MED13: variants seen among roughly 807,000 people sequenced by gnomAD.
MED13 encodes the protein mediator of RNA polymerase II transcription subunit 13.
MED13 carries 23 observed loss-of-function variants against 225.2 expected under a neutral mutation model. The ratio of observed to expected loss-of-function variants is 0.10; its 90% CI spans 0.07 to 0.14. MED13 has a LOEUF of 0.14. MED13 is among the 10% of genes least tolerant of loss of function. The pLI, the probability that MED13 is intolerant of heterozygous loss-of-function variation, is 1.00. For synonymous variants in MED13, 942 were observed against 889.2 expected (o/e 1.06, Z -1.06); for missense variants, 2,197 against 2,594.5 (o/e 0.85, Z 3.33).
intron 17 of MED13, among the ~76,000 whole-genome samples, chr17:61,971,454 A>T (rs2080108428): frequency 6.6e-6 from 1 of 151,624 alleles, no homozygotes; most frequent in Admixed American, 6.6e-5. Context: ...ACGCACCACC[A>T]TGCCCGGCTT....
At chr17:62,015,163 A>G (rs180776275) in intron 8 of MED13, among the ~76,000 whole-genome samples, 2 of 152,356 alleles carry the variant, frequency 1.3e-5, no homozygotes, top group Admixed American at 6.5e-5. Flanking sequence ...ACTATCTACA[A>G]AAAGACATTT....
Position 62,058,539 on chromosome 17 carries a change from A to AGAAAG in MED13, c.301+4527_301+4528insCTTTC, listed in dbSNP as rs200021751. Reference sequence around the variant, plus strand: ...TCATCTCAAAAAAAAAAAAAAAAAAAAAAGAAAGAAAGAAAGAAAAAAGCT... The same window carrying AGAAAG: ...TCATCTCAAAAAAAAAAAAAAAAAAAGAAAGAAAGAAAGAAAGAAAGAAAAAAGCT... On this transcript the variant is annotated intron_variant, in intron 2 of 29. Coordinates refer to ENST00000397786, the MANE Select transcript of MED13 (RefSeq NM_005121.3). Among the ~76,000 whole-genome samples the AGAAAG allele has an allele frequency of 2.7e-5, 4 of 146,456 alleles. No individual in the cohort carries two copies. The East Asian group carries it at 8.6e-4, about 31-fold the overall frequency.
Position 61,995,371 on chromosome 17 carries a change from TA to T in MED13, c.1968-7del, listed in dbSNP as rs565574776. The T allele has an allele frequency of 5.2e-6, 8 of 1,553,078 alleles. No homozygotes were observed. The highest frequency in any genetic ancestry group is 6.9e-6 in the Non-Finnish European group (8 of 1,153,968). ...TCTTACATTGCACCATTAACCTGCA[TA>T]AAAAAATTAAAAAAAATTAATTATC... On this transcript the variant is annotated splice_polypyrimidine_tract_variant and splice_region_variant and intron_variant, in intron 9 of 29. Coordinates refer to ENST00000397786, the MANE Select transcript of MED13 (RefSeq NM_005121.3).
intron 3 of MED13, among the ~76,000 whole-genome samples, chr17:62,043,362 G>C (rs1310745696): frequency 6.6e-6 from 1 of 151,978 alleles, no homozygotes; most frequent in Non-Finnish European, 1.5e-5. Context: ...TAATAATCTT[G>C]ATGACAGACA....
intron 8 of MED13, 125 bp downstream of exon 8, chr17:62,029,416 A>T: frequency 3.1e-6 from 2 of 642,342 alleles, no homozygotes; most frequent in Non-Finnish European, 5.2e-6. Flanking sequence ...TTTTTCCTGA[A>T]TTTTCTTTTG....
At chr17:62,004,282 A>G (rs1462959125) in intron 9 of MED13, 2 of 152,234 alleles carry the variant, frequency 1.3e-5, no homozygotes, top group Non-Finnish European at 2.9e-5. Flanking sequence ...TTGCCCTCAT[A>G]GAGCTTACAT....
chr17:62,027,007 A>G (rs946118325), intron 8 of MED13, among the ~76,000 whole-genome samples: 2 of 152,216 alleles, frequency 1.3e-5, no homozygotes. Flanking sequence ...AAATGGCCAT[A>G]CTGCCCAAAG....
intron 17 of MED13, 67 bp from the exon 18 acceptor site, chr17:61,968,325 A>G: frequency 9.2e-7 from 1 of 1,090,728 alleles, no homozygotes; most frequent in Non-Finnish European, 1.2e-6. Flanking sequence ...TTATTTATTT[A>G]TTTATTTATT....
intron 12 of MED13, among the ~76,000 whole-genome samples, chr17:61,985,807 A>C (rs2080242767): frequency 6.6e-6 from 1 of 152,196 alleles, no homozygotes; most frequent in Non-Finnish European, 1.5e-5. Context: ...CTATATAATC[A>C]ATCACTCACC....
intron 9 of MED13, among the ~76,000 whole-genome samples, chr17:62,008,025 A>AAAAAAAAAAC (rs2080469189): frequency 6.7e-6 from 1 of 148,624 alleles, no homozygotes; most frequent in Non-Finnish European, 1.5e-5. Context: ...TCAAAAAAAA[A>AAAAAAAAAAC]AAAAAAAAAA....
At chr17:62,043,308 C>G (rs1056003797) in intron 3 of MED13, among the ~76,000 whole-genome samples, 1 of 151,708 alleles carries the variant, frequency 6.6e-6, no homozygotes, top group Non-Finnish European at 1.5e-5. Flanking sequence ...ATTGACCATG[C>G]AAATTCTAGT....
chr17:61,993,800 G>A (rs551243372), intron 10 of MED13, among the ~76,000 whole-genome samples: 94 of 151,754 alleles, frequency 6.2e-4, no homozygotes, highest in African/African-American at 2.1e-3. Context: ...GCGTAGTGGC[G>A]CATGCCTGTA....
intron 10 of MED13, among the ~76,000 whole-genome samples, chr17:61,994,277 G>A (rs2080328867): frequency 6.6e-6 from 1 of 152,064 alleles, no homozygotes. Flanking sequence ...GATTACAAGC[G>A]TGGGCCACTG....
chr17:61,947,532 T>C (rs1278514222), intron 28 of MED13, among the ~76,000 whole-genome samples: 1 of 152,200 alleles, frequency 6.6e-6, no homozygotes, highest in Non-Finnish European at 1.5e-5. Flanking sequence ...CCTTAAGATA[T>C]ATGACACCCT....
rs200978949 is a variant in MED13, at chr17:61,950,979, A to G, written c.6137T>C (p.Leu2046Pro). The G allele has an allele frequency of 4.9e-5, 79 of 1,613,430 alleles. No individual in the cohort carries two copies. The highest frequency in any genetic ancestry group is 6.4e-5 in the Non-Finnish European group (76 of 1,179,678). Residue 2046 changes from leucine to proline, a missense_variant, in exon 28 of 30, where the codon CTA becomes CCA. By Grantham distance (98) the Leu-to-Pro change is moderately conservative. This residue lies in a region of MED13 where 216 missense variants were observed against 388.9 expected (regional missense o/e 0.56). Transcript: ENST00000397786. ...DAGKGQSTDR[L>P]LSTEPHEEVP... The stretch of plus-strand genomic sequence containing the variant: ...TTCCTCATGAGGTTCTGTTGATAGT[A>G]GCCGATCAGTACTCTGACCCTTAAA...
Position 61,964,898 on chromosome 17 carries a change from T to C in MED13, c.4844+108A>G, listed in dbSNP as rs1050181318. 6 of 1,051,416 alleles carry C rather than the reference T, an allele frequency of 5.7e-6. No individual in the cohort carries two copies. The African/African-American group carries it at 9.7e-5, about 17-fold the overall frequency. The allele number at this position is 1,051,416 out of a possible 1,614,324, so 65.1% of individuals were successfully genotyped here. A position where few individuals can be genotyped will look rare whatever the true frequency, so the allele number is the denominator to read the frequency against. On this transcript the variant is annotated intron_variant, in intron 20 of 29. Coordinates refer to ENST00000397786, the MANE Select transcript of MED13 (RefSeq NM_005121.3). ...TTGCAGTGAGTGCAGATCCCACCAC[T>C]GCAGTACAGCCTGCGCAAAAGAGTG...
rs1327939695 is a variant in MED13, at chr17:62,010,579, A to G, written c.1938T>C (p.Phe646=). The G allele has an allele frequency of 1.4e-6, 2 of 1,467,746 alleles. No homozygotes were observed. The highest frequency in any genetic ancestry group is 1.6e-5 in the South Asian group (1 of 62,358). 90.9% of individuals were successfully genotyped at this position (1,467,746 alleles called of 1,614,324 possible). A position where few individuals can be genotyped will look rare whatever the true frequency, so the allele number is the denominator to read the frequency against. The change falls in exon 9 of 30, where the codon TTT becomes TTC. Residue 646 remains phenylalanine (F), a synonymous_variant. Coordinates refer to ENST00000397786, the MANE Select transcript of MED13 (RefSeq NM_005121.3). ...TAACTGATGTTACACTTTCCTGTCC[A>G]AAAGGTCCAACTGGATCATCCTTGA... ...DKFKDDPVGP[F]GQESVTSVTE...
chr17:61,994,922 G>C lies in MED13; in HGVS notation c.2181+230C>G, dbSNP rs60371870. Among the ~76,000 whole-genome samples, 582 of 152,268 alleles carry C rather than the reference G, an allele frequency of 3.8e-3. 4 individuals are homozygous for C. The highest frequency in any genetic ancestry group is 0.013 in the African/African-American group (546 of 41,562). On this transcript the variant is annotated intron_variant, in intron 10 of 29. Transcript: ENST00000397786. ...GACAGGGTTTCACCATGTTGGCCAA[G>C]CTGGTCTCAAACTCCTGTCCTCAGG... is the stretch of plus-strand genomic sequence containing the variant.
intron 21 of MED13, among the ~76,000 whole-genome samples, chr17:61,962,050 G>A (rs1248571368): frequency 1.3e-5 from 2 of 152,148 alleles, no homozygotes; most frequent in Non-Finnish European, 2.9e-5. Context: ...CACTTTGGGA[G>A]GCCGAGGTGG....
Sources: allele counts gnomAD v4.1 joint callset (sites outside exome capture counted in the v4.1 genomes callset), GRCh38; gene constraint gnomAD v4.1.1; regional missense constraint gnomAD v4.1.1; transcripts MANE v1.5; gene names NCBI Gene and HGNC (gene_info 2026-07-23, HGNC 2026-07-21).